The following TESK1 variants were observed in gnomAD, a reference collection of about 807,000 sequenced individuals.
The protein encoded by TESK1 is dual specificity testis-specific protein kinase 1.
TESK1 carries 18 observed loss-of-function variants against 59.9 expected under a neutral mutation model. The observed-to-expected ratio is 0.30, with a 90% CI of 0.21 to 0.45. The LOEUF is 0.45. Ranked by LOEUF, TESK1 falls within the 20% of genes least tolerant of loss-of-function variation. TESK1 has a pLI of 1.00. For synonymous variants in TESK1, 341 were observed against 357.4 expected (o/e 0.95, Z 0.52); for missense variants, 748 against 840.9 (o/e 0.89, Z 1.37).
At chr9:35,608,114 A>C (rs777147518) in intron 7 of TESK1, 46 bp from the exon 8 acceptor site, 1 of 1,610,094 alleles carries the variant, frequency 6.2e-7, no homozygotes, top group East Asian at 2.2e-5. Flanking sequence ...GCAGAAGGAG[A>C]ACCCAAGAAA....
rs778959866 is a variant in TESK1, at chr9:35,607,112, T to C, written c.537+129T>C. ...TGGAGTGGCAAGGCATTGGAGAATATTGGGGGACCAGGGTGAGGGGAGTGC... is the reference window on the plus strand; with the variant it reads ...TGGAGTGGCAAGGCATTGGAGAATACTGGGGGACCAGGGTGAGGGGAGTGC... On this transcript the variant is annotated intron_variant, in intron 4 of 9. Transcript: ENST00000336395. This position sits in a 1 kb window ranked among gnomAD's most constrained non-coding sequence, Gnocchi z 4.5. 8 of 1,375,760 alleles carry C rather than the reference T, an allele frequency of 5.8e-6. No homozygotes were observed. The highest frequency in any genetic ancestry group is 7.8e-6 in the Non-Finnish European group (8 of 1,021,956). 85.2% of individuals were successfully genotyped at this position (1,375,760 alleles called of 1,614,324 possible). A position where few individuals can be genotyped will look rare whatever the true frequency, so the allele number is the denominator to read the frequency against.
In TESK1 at chr9:35,608,502, C is replaced by A. The variant is rs1341473879; in HGVS notation, c.993C>A (p.His331Gln). 6.2e-7 allele frequency: 1 copy of A among 1,613,592 alleles called. No individual in the cohort carries two copies. The highest frequency in any genetic ancestry group is 8.5e-7 in the Non-Finnish European group (1 of 1,179,664). The change falls in exon 9 of 10, where the codon CAC becomes CAA. Residue 331 changes from histidine to glutamine, a missense_variant. Transcript: ENST00000336395. ...PAPLTRTALT[H>Q]NQGSVARGGP... ...CACTCACCAGGACCGCCCTGACACA[C>A]AATCAGGGTAAGGGAGCCTGACCTT...
rs1194348591 is a variant in TESK1, at chr9:35,608,505, T to G, written c.996T>G (p.Asn332Lys). Residue 332 changes from asparagine to lysine, a missense_variant, in exon 9 of 10, where the codon AAT becomes AAG. Asn to Lys is a moderately conservative substitution (Grantham distance 94, BLOSUM62 0). This residue lies in a region of TESK1 where 447 missense variants were observed against 466.1 expected (regional missense o/e 0.96). Transcript: ENST00000336395. ...TCACCAGGACCGCCCTGACACACAATCAGGGTAAGGGAGCCTGACCTTGAT... is the reference window on the plus strand; with the variant it reads ...TCACCAGGACCGCCCTGACACACAAGCAGGGTAAGGGAGCCTGACCTTGAT... ...APLTRTALTH[N>K]QGSVARGGPS... 3 of 1,613,708 alleles carry G rather than the reference T, an allele frequency of 1.9e-6. No individual in the cohort carries two copies. Among genetic ancestry groups the G allele is most frequent in the Non-Finnish European group, 2.5e-6 (3 of 1,179,874 alleles).
rs1822904884 is a variant in TESK1, at chr9:35,608,776, C to T, written c.1001-86C>T. On this transcript the variant is annotated intron_variant, in intron 9 of 9. Coordinates refer to ENST00000336395, the MANE Select transcript of TESK1 (RefSeq NM_006285.3). ...GGACTCCCTTTTTCAAGCTCTAGTCCCACCAGCCTCCTGGAGAATAGTGAG... is the reference window on the plus strand; with the variant it reads ...GGACTCCCTTTTTCAAGCTCTAGTCTCACCAGCCTCCTGGAGAATAGTGAG... The T allele has an allele frequency of 2.7e-6, 4 of 1,469,480 alleles. No homozygotes were observed. In the East Asian group the frequency reaches 6.8e-5, roughly 25 times the overall value. 91.0% of individuals were successfully genotyped at this position (1,469,480 alleles called of 1,614,324 possible). A position where few individuals can be genotyped will look rare whatever the true frequency, so the allele number is the denominator to read the frequency against.
Position 35,608,248 on chromosome 9 carries a change from A to G in TESK1, c.884A>G (p.Asn295Ser), listed in dbSNP as rs770464955. Residue 295 changes from asparagine to serine, a missense_variant and splice_region_variant, in exon 8 of 10, where the codon AAC (asparagine) becomes AGC (serine). Coordinates refer to ENST00000336395, the MANE Select transcript of TESK1 (RefSeq NM_006285.3). ...PFLLLAIHCCNLEPSTRAPFT... is the reference protein window; with the variant it reads ...PFLLLAIHCCSLEPSTRAPFT... Reference sequence around the variant, plus strand: ...TTGCTCCTGGCCATCCACTGCTGCAACGTAAGAGCCTCACACTCCTTCCTG... The same window carrying G: ...TTGCTCCTGGCCATCCACTGCTGCAGCGTAAGAGCCTCACACTCCTTCCTG... The G allele has an allele frequency of 1.2e-6, 2 of 1,614,030 alleles. No homozygotes were observed. The highest frequency in any genetic ancestry group is 1.7e-5 in the Admixed American group (1 of 59,998).
Position 35,608,961 on chromosome 9 carries a change from C to G in TESK1, c.1100C>G (p.Ser367Ter). The G allele has an allele frequency of 6.2e-7, 1 of 1,614,194 alleles. No homozygotes were observed. The highest frequency in any genetic ancestry group is 8.5e-7 in the Non-Finnish European group (1 of 1,180,018). The stretch of plus-strand genomic sequence containing the variant: ...CTCTTCCTGCCCCCATCACCAGAAT[C>G]ACCCCCCAACTGGGGGGACAATCTG... ...SDLFLPPSPESPPNWGDNLTR... is the reference protein window; with the variant it reads ...SDLFLPPSPE The change falls in exon 10 of 10, where the codon TCA becomes TGA. Residue 367 changes from serine (S) to a stop codon, truncating the protein, a stop_gained. Coordinates refer to ENST00000336395, the MANE Select transcript of TESK1 (RefSeq NM_006285.3). LOFTEE classifies it high-confidence loss of function.
chr9:35,608,611 A>AAGGCTGGGGGTC (rs1822897039), intron 9 of TESK1, 102 bp downstream of exon 9: 1 of 1,178,572 alleles, frequency 8.5e-7, no homozygotes, highest in East Asian at 2.6e-5. Context: ...ATTAGTTGAA[A>AAGGCTGGGGGTC]AGGCTGGGGG....
chr9:35,605,263 G>A lies in TESK1; in HGVS notation c.-357G>A, dbSNP rs1036530297. The A allele has an allele frequency of 6.6e-6, 1 of 150,462 alleles. No individual in the cohort carries two copies. The highest frequency in any genetic ancestry group is 2.4e-5 in the African/African-American group (1 of 41,208). The allele number at this position is 150,462 out of a possible 1,614,324, so 9.3% of individuals were successfully genotyped here. On this transcript the variant is annotated 5_prime_UTR_variant, in exon 1 of 10. Transcript: ENST00000336395. The stretch of plus-strand genomic sequence containing the variant: ...CCAGCCCCGCCCCCGGCAGGCCGCG[G>A]AGCCTGATCCCCGGCGGCTAAGCGG...
In TESK1 at chr9:35,608,914, G is replaced by A. The variant is rs1402281428; in HGVS notation, c.1053G>A (p.Arg351=). The A allele has an allele frequency of 6.2e-7, 1 of 1,612,464 alleles. No homozygotes were observed. ...PSATLPRPDP[R]LSRSRSDLFL... is the part of the protein sequence containing the mutation. ...CCACGCTTCCCAGGCCAGATCCCCG[G>A]CTTTCCCGAAGCCGGTCAGACCTCT... The change falls in exon 10 of 10, where the codon CGG becomes CGA. Residue 351 remains arginine (R), a synonymous_variant. Transcript: ENST00000336395.
Position 35,606,116 on chromosome 9 carries a change from C to T in TESK1, c.341+11C>T. Reference sequence around the variant, plus strand: ...CCCCAACATCCTAAGGTGAGCGGCCCCAGTCTCTGGGCAGCTTGCTGGGCG... The same window carrying T: ...CCCCAACATCCTAAGGTGAGCGGCCTCAGTCTCTGGGCAGCTTGCTGGGCG... On this transcript the variant is annotated intron_variant, in intron 2 of 9. Transcript: ENST00000336395. The T allele has an allele frequency of 1.9e-6, 3 of 1,614,122 alleles. No individual in the cohort carries two copies. The highest frequency in any genetic ancestry group is 2.5e-6 in the Non-Finnish European group (3 of 1,180,002).
intron 9 of TESK1, 123 bp downstream of exon 9, chr9:35,608,632 G>GTTGGGT: frequency 2.6e-6 from 2 of 764,704 alleles, no homozygotes; most frequent in Non-Finnish European, 2.1e-6. Context: ...TCGGGCTGGG[G>GTTGGGT]TAGGGTGGGA....
Position 35,607,795 on chromosome 9 carries a change from C to T in TESK1, c.711+123C>T, listed in dbSNP as rs1159338468. 25 of 1,270,098 alleles carry T rather than the reference C, an allele frequency of 2.0e-5. No individual in the cohort carries two copies. Among genetic ancestry groups the T allele is most frequent in the African/African-American group, 3.0e-5 (2 of 67,638 alleles). The allele number at this position is 1,270,098 out of a possible 1,614,324, so 78.7% of individuals were successfully genotyped here. A position where few individuals can be genotyped will look rare whatever the true frequency, so the allele number is the denominator to read the frequency against. On this transcript the variant is annotated intron_variant, in intron 6 of 9. Transcript: ENST00000336395. The surrounding 1 kb of genome is among the most constrained non-coding windows in gnomAD (Gnocchi z 4.5). The stretch of plus-strand genomic sequence containing the variant: ...CAGGAGTCCCCAAGATCCCTTTGCC[C>T]CTCACAGGCACCCTTCTAACACATG...
chr9:35,606,748 C>T (rs528002780), intron 3 of TESK1, 89 bp from the exon 4 acceptor site: 275 of 1,366,890 alleles, frequency 2.0e-4, no homozygotes, highest in Admixed American at 5.4e-4. Flanking sequence ...CCTCTGTGAT[C>T]CTCGGGAGTG....
intron 9 of TESK1, 76 bp downstream of exon 9, chr9:35,608,585 G>T (rs1460098464): frequency 1.3e-5 from 17 of 1,321,892 alleles, no homozygotes. Flanking sequence ...TGACATGGGG[G>T]AGGCTAAGTA....
chr9:35,606,417 G>T, intron 3 of TESK1, 132 bp downstream of exon 3: 2 of 1,118,266 alleles, frequency 1.8e-6, no homozygotes, highest in Non-Finnish European at 2.6e-6. Flanking sequence ...AGGCTTTCCT[G>T]AACTTTCCTT....
At chr9:35,606,335 G>T in intron 3 of TESK1, 50 bp downstream of exon 3, 7 of 1,607,528 alleles carry the variant, frequency 4.4e-6, no homozygotes, top group Non-Finnish European at 6.0e-6. Context: ...CACCCCCAAG[G>T]ATAAAGGGAG....
Position 35,608,621 on chromosome 9 carries a change from G to T in TESK1, c.1000+112G>T, listed in dbSNP as rs182763826. The T allele has an allele frequency of 6.8e-6, 7 of 1,032,318 alleles. No homozygotes were observed. In the Admixed American group the frequency reaches 1.1e-4, roughly 17 times the overall value. The allele number at this position is 1,032,318 out of a possible 1,614,324, so 63.9% of individuals were successfully genotyped here. A position where few individuals can be genotyped will look rare whatever the true frequency, so the allele number is the denominator to read the frequency against. On this transcript the variant is annotated intron_variant, in intron 9 of 9. Transcript: ENST00000336395. ...TATTTATTAGTTGAAAAGGCTGGGGGTCGGGCTGGGGTAGGGTGGGAGGAC... is the reference window on the plus strand; with the variant it reads ...TATTTATTAGTTGAAAAGGCTGGGGTTCGGGCTGGGGTAGGGTGGGAGGAC...
chr9:35,608,060 A>T, intron 7 of TESK1, 49 bp downstream of exon 7: 1 of 1,611,206 alleles, frequency 6.2e-7, no homozygotes, highest in South Asian at 1.1e-5. Flanking sequence ...TAGCTGGCTC[A>T]TAACCAAGGA....
rs1302054425 is a variant in TESK1 at position 35,609,691 on chromosome 9, C to T, written c.1830C>T (p.His610=). Residue 610 remains histidine, a synonymous_variant, in exon 10 of 10, where the codon CAC becomes CAT. Transcript: ENST00000336395. This position sits in a 1 kb window ranked among gnomAD's most constrained non-coding sequence, Gnocchi z 6.7. ...GCAGTCTCCTCTGCCACCGAGGGCACCACGCCAAGCCACCCACACCCAGCC... is the reference window on the plus strand; with the variant it reads ...GCAGTCTCCTCTGCCACCGAGGGCATCACGCCAAGCCACCCACACCCAGCC... ...EAGSLLCHRG[H]HAKPPTPSLQ... The T allele has an allele frequency of 1.2e-6, 2 of 1,600,980 alleles. No individual in the cohort carries two copies. Among genetic ancestry groups the T allele is most frequent in the Non-Finnish European group, 8.5e-7 (1 of 1,179,702 alleles).
Sources: gnomAD v4.1 joint callset for allele counts on GRCh38, gnomAD v4.1.1 for gene constraint, gnomAD v4.1.1 regional missense constraint, Gnocchi (gnomAD v3.1) non-coding constraint, MANE v1.5 for transcripts, NCBI Gene and HGNC (gene_info 2026-07-23, HGNC 2026-07-21) for gene names.